The following GATB variants were observed in gnomAD, a reference collection of about 807,000 sequenced individuals.
GATB encodes glutamyl-tRNA amidotransferase subunit B.
A neutral mutation model predicts 62.3 loss-of-function variants in GATB; 39 were observed. The ratio of observed to expected loss-of-function variants is 0.63; its 90% CI spans 0.48 to 0.82. GATB has a LOEUF of 0.82. GATB is among the 40% of genes least tolerant of loss of function. The probability of loss-of-function intolerance (pLI) is 0.00; values close to 1 mark genes in which losing one functional copy is unlikely to be tolerated. For synonymous variants in GATB, 276 were observed against 258.9 expected, an observed-to-expected ratio of 1.07 and a Z score of -0.63; for missense variants, 670 against 684.0, an observed-to-expected ratio of 0.98 and a Z score of 0.23.
At chr4:151,693,486 T>C (rs1738408843) in intron 9 of GATB, among the ~76,000 whole-genome samples, 1 of 148,760 alleles carries the variant, frequency 6.7e-6, no homozygotes, top group Non-Finnish European at 1.5e-5. Context: ...GGTGTGAGGC[T>C]GGCACAGGAA....
At chr4:151,679,996 G>A (rs1254302093) in intron 10 of GATB, 105 bp from the exon 11 acceptor site, 6 of 900,888 alleles carry the variant, frequency 6.7e-6, no homozygotes, top group African/African-American at 4.9e-5. Context: ...GGTAAATATC[G>A]GACCCACGCC....
chr4:151,760,899 T>A lies in GATB; in HGVS notation c.84A>T (p.Arg28Ser). 2 of 1,614,046 alleles carry A rather than the reference T, an allele frequency of 1.2e-6. 1 individual carries two copies. Among genetic ancestry groups the A allele is most frequent in the Non-Finnish European group, 1.7e-6 (2 of 1,179,968 alleles). Residue 28 changes from arginine (R) to serine (S), a missense_variant, in exon 1 of 13, where the codon AGA (arginine) becomes AGT (serine). Physicochemically the swap from Arg to Ser is moderately radical, Grantham distance 110. Coordinates refer to ENST00000263985, the MANE Select transcript of GATB (RefSeq NM_004564.3). ...TGGATGTGGACCCAGTCGGAGCCCC[T>A]CTTCGGTGGCAAGAACCACCGTCAA... ...ARVDGGSCHR[R>S]GAPTGSTSNQ...
At chr4:151,759,968 G>A (rs1163835324) in intron 1 of GATB, among the ~76,000 whole-genome samples, 2 of 152,144 alleles carry the variant, frequency 1.3e-5, no homozygotes, top group African/African-American at 4.8e-5. Flanking sequence ...ATGCAGTAAA[G>A]CACCATTCAA....
At position 151,701,480 on chromosome 4, in the gene GATB, T is replaced by C; in HGVS notation, c.1046A>G (p.Tyr349Cys). Residue 349 changes from tyrosine (Y) to cysteine (C), a missense_variant, in exon 9 of 13, where the codon TAC becomes TGC. Coordinates refer to ENST00000263985, the MANE Select transcript of GATB (RefSeq NM_004564.3). Reference protein sequence around the residue: ...PEPNLPPLVLYDATSLPAGAD... With the variant: ...PEPNLPPLVLCDATSLPAGAD... ...ACCTGCGGGCAGAGATGTGGCGTCG[T>C]AGAGCACCAGGGGAGGCAGGTTGGG... 6.3e-7 allele frequency: 1 copy of C among 1,588,008 alleles called. No individual in the cohort carries two copies. Among genetic ancestry groups the C allele is most frequent in the Non-Finnish European group, 8.6e-7 (1 of 1,165,848 alleles).
In GATB at chr4:151,757,970, C is replaced by T. The variant is rs535962507; in HGVS notation, c.327+802G>A. 3.3e-5 allele frequency among the ~76,000 whole-genome samples: 5 copies of T among 152,200 alleles called. No individual in the cohort carries two copies. In the East Asian group the frequency reaches 5.8e-4, roughly 18 times the overall value. On this transcript the variant is annotated intron_variant, in intron 2 of 12. Transcript: ENST00000263985. Reference sequence around the variant, plus strand: ...TTATTAGCTAAAACATTTACTTGTTCCCTTCATACTTTTCTTAAAAATTCA... The same window carrying T: ...TTATTAGCTAAAACATTTACTTGTTTCCTTCATACTTTTCTTAAAAATTCA...
At chr4:151,719,613 C>G (rs560047098) in intron 2 of GATB, 75 bp from the exon 3 acceptor site, 6 of 995,246 alleles carry the variant, frequency 6.0e-6, no homozygotes, top group Non-Finnish European at 8.9e-6. Flanking sequence ...CTGACATCCT[C>G]GCTGAATATG....
chr4:151,689,075 G>C (rs1451242476), intron 9 of GATB, among the ~76,000 whole-genome samples: 1 of 152,216 alleles, frequency 6.6e-6, no homozygotes, highest in Non-Finnish European at 1.5e-5. Context: ...CGTGTCTGCT[G>C]TGTGTAACCT....
rs376936215 is a variant in GATB, at chr4:151,737,555, CG to C, written c.328-18018del. ...AATTGAAGCCAGCTGCATAAATCTG[CG>C]TAAGTAATGAGAAGCAGAATGTTAA... On this transcript the variant is annotated intron_variant, in intron 2 of 12. Transcript: ENST00000263985. Among the ~76,000 whole-genome samples, 723 of 152,298 alleles carry C rather than the reference CG, an allele frequency of 4.7e-3. 3 individuals are homozygous for C. The highest frequency in any genetic ancestry group is 0.016 in the African/African-American group (678 of 41,562).
At chr4:151,737,266 A>G (rs765234456) in intron 2 of GATB, among the ~76,000 whole-genome samples, 2 of 152,230 alleles carry the variant, frequency 1.3e-5, no homozygotes, top group African/African-American at 2.4e-5. Flanking sequence ...ACTTGTTGCA[A>G]ACCGAAGCAA....
chr4:151,695,918 C>T (rs978574064), intron 9 of GATB, among the ~76,000 whole-genome samples: 12 of 147,802 alleles, frequency 8.1e-5, no homozygotes, highest in African/African-American at 2.3e-4. Context: ...CCACCATGCC[C>T]GGCTAATTTA....
chr4:151,752,933 C>T (rs907727820), intron 2 of GATB, among the ~76,000 whole-genome samples: 1 of 152,158 alleles, frequency 6.6e-6, no homozygotes, highest in East Asian at 1.9e-4. Context: ...GGTGGCCAGA[C>T]AGATTTTTTT....
At chr4:151,673,394 A>T (rs898399934) in intron 11 of GATB, 6 of 153,944 alleles carry the variant, frequency 3.9e-5, no homozygotes, top group African/African-American at 1.4e-4. Flanking sequence ...GGGGCCACAC[A>T]GCCTGCAGGA....
intron 9 of GATB, among the ~76,000 whole-genome samples, chr4:151,692,086 G>C (rs1457463384): frequency 6.6e-6 from 1 of 152,244 alleles, no homozygotes; most frequent in African/African-American, 2.4e-5. Context: ...CAGCAGCGGT[G>C]ATGGGCGCCA....
intron 2 of GATB, among the ~76,000 whole-genome samples, chr4:151,731,945 C>T (rs1281744328): frequency 2.9e-5 from 3 of 102,940 alleles, no homozygotes; most frequent in South Asian, 5.4e-4. Flanking sequence ...CCAGCCGCCC[C>T]GTCCGGGAGG....
intron 8 of GATB, among the ~76,000 whole-genome samples, chr4:151,701,868 T>C (rs1221769868): frequency 6.6e-6 from 1 of 152,224 alleles, no homozygotes; most frequent in Non-Finnish European, 1.5e-5. Flanking sequence ...CGTAGAGATG[T>C]GTCGTTAGGT....
intron 12 of GATB, among the ~76,000 whole-genome samples, chr4:151,672,360 C>T (rs1015897561): frequency 3.9e-5 from 6 of 152,194 alleles, no homozygotes; most frequent in Non-Finnish European, 8.8e-5. Context: ...TGTACTCTCC[C>T]TGCTCTGCCG....
intron 2 of GATB, among the ~76,000 whole-genome samples, chr4:151,741,489 G>A (rs1739487340): frequency 6.6e-6 from 1 of 152,226 alleles, no homozygotes; most frequent in South Asian, 2.1e-4. Flanking sequence ...AAAGGATGTG[G>A]AAATGGGAGA....
In GATB at chr4:151,758,795, C is replaced by A; in HGVS notation, c.304G>T (p.Ala102Ser). The A allele has an allele frequency of 2.5e-6, 4 of 1,599,060 alleles. No homozygotes were observed. The highest frequency in any genetic ancestry group is 1.1e-5 in the South Asian group (1 of 87,480). Residue 102 changes from alanine (A) to serine (S), a missense_variant, in exon 2 of 13, where the codon GCA (alanine) becomes TCA (serine). Ala to Ser is a moderately conservative substitution (Grantham distance 99). Transcript: ENST00000263985. ...PPNSLVSFFD[A>S]SLPGTLPVLN... Reference sequence around the variant, plus strand: ...ACCGGCAAAGTTCCAGGTAGAGATGCATCAAAAAAAGAAACCAAAGAATTT... The same window carrying A: ...ACCGGCAAAGTTCCAGGTAGAGATGAATCAAAAAAAGAAACCAAAGAATTT...
At position 151,708,083 on chromosome 4, in the gene GATB, T is replaced by C. The variant is rs1738750132; in HGVS notation, c.782A>G (p.Asp261Gly). The C allele has an allele frequency of 6.2e-7, 1 of 1,613,448 alleles. No individual in the cohort carries two copies. Residue 261 changes from aspartate to glycine, a missense_variant, in exon 6 of 13, where the codon GAT becomes GGT. Transcript: ENST00000263985. ...AGGGTGATGCACGGATATATTGGCATCCACTCTCAACTGGCCCTCTGGAAG... is the reference window on the plus strand; with the variant it reads ...AGGGTGATGCACGGATATATTGGCACCCACTCTCAACTGGCCCTCTGGAAG... ...ANMAEGQLRV[D>G]ANISVHHPGE...
Sources: allele counts gnomAD v4.1 joint callset (sites outside exome capture counted in the v4.1 genomes callset), GRCh38; gene constraint gnomAD v4.1.1; transcripts MANE v1.5; gene names NCBI Gene and HGNC (gene_info 2026-07-23, HGNC 2026-07-21).